The following CDH8 variants were observed in gnomAD, a reference collection of about 807,000 sequenced individuals.
CDH8 encodes cadherin 8, also known as cadherin-8.
CDH8 carries 17 observed loss-of-function variants against 68.1 expected under a neutral mutation model. The observed-to-expected ratio is 0.25, with a 90% CI of 0.17 to 0.37. The LOEUF (loss-of-function observed/expected upper bound fraction) is 0.37. CDH8 is among the 10% of genes least tolerant of loss of function. The probability of loss-of-function intolerance (pLI) is 1.00; values close to 1 mark genes in which losing one functional copy is unlikely to be tolerated. For missense variants in CDH8, 763 were observed against 999.3 expected (o/e 0.76, Z 3.19); for synonymous variants, 372 against 365.1 (o/e 1.02, Z -0.21).
At chr16:61,676,601 G>C (rs1003805124) in intron 10 of CDH8, among the ~76,000 whole-genome samples, 1 of 151,898 alleles carries the variant, frequency 6.6e-6, no homozygotes, top group Admixed American at 6.6e-5. Flanking sequence ...TGAATAGAAG[G>C]GGATTTCCTC....
At chr16:61,870,154 C>A (rs1963329665) in intron 3 of CDH8, among the ~76,000 whole-genome samples, 2 of 152,178 alleles carry the variant, frequency 1.3e-5, no homozygotes, top group Admixed American at 1.3e-4. Flanking sequence ...GGTGGGACTT[C>A]ATAATATCAC....
At chr16:61,968,310 G>C (rs559880789) in intron 2 of CDH8, among the ~76,000 whole-genome samples, 21 of 152,112 alleles carry the variant, frequency 1.4e-4, no homozygotes, top group Non-Finnish European at 2.4e-4. Context: ...ATTCACCCTC[G>C]TCTATTGAGT....
chr16:61,819,484 CTACTT>C (rs1466322500), intron 6 of CDH8, among the ~76,000 whole-genome samples: 1 of 152,030 alleles, frequency 6.6e-6, no homozygotes, highest in Non-Finnish European at 1.5e-5. Flanking sequence ...ATATTGTACT[CTACTT>C]TATTTCAAAC....
At chr16:61,655,316 C>T (rs1411939100) in intron 11 of CDH8, among the ~76,000 whole-genome samples, 154 bp downstream of exon 11, 3 of 152,176 alleles carry the variant, frequency 2.0e-5, no homozygotes, top group African/African-American at 7.2e-5. Flanking sequence ...TTTCTCTTCA[C>T]TTATTAGAGA....
chr16:61,921,628 C>T (rs1216906876), intron 2 of CDH8, among the ~76,000 whole-genome samples: 1 of 152,118 alleles, frequency 6.6e-6, no homozygotes, highest in African/African-American at 2.4e-5. Flanking sequence ...TTCTACATAG[C>T]TCAGTAAACC....
chr16:61,828,892 A>C (rs993791862), intron 4 of CDH8, among the ~76,000 whole-genome samples: 2 of 151,914 alleles, frequency 1.3e-5, no homozygotes, highest in African/African-American at 2.4e-5. Context: ...TAATTCAGGC[A>C]AAGTTCTTGG....
chr16:61,760,590 G>A (rs1960440016), intron 8 of CDH8, among the ~76,000 whole-genome samples: 1 of 152,046 alleles, frequency 6.6e-6, no homozygotes. Flanking sequence ...TGGGATTACA[G>A]GCATGAGCCA....
chr16:61,969,383 C>A (rs183398054), intron 2 of CDH8, among the ~76,000 whole-genome samples: 1 of 152,130 alleles, frequency 6.6e-6, no homozygotes, highest in Non-Finnish European at 1.5e-5. Flanking sequence ...TTTCTTGGCA[C>A]GTAGCTGGTT....
intron 8 of CDH8, among the ~76,000 whole-genome samples, chr16:61,779,282 T>C (rs1960981027): frequency 6.6e-6 from 1 of 152,088 alleles, no homozygotes; most frequent in Admixed American, 6.6e-5. Flanking sequence ...CTAAGCAAAT[T>C]GATTCCCACA....
At chr16:61,803,598 T>C (rs959965549) in intron 7 of CDH8, among the ~76,000 whole-genome samples, 2 of 151,710 alleles carry the variant, frequency 1.3e-5, no homozygotes, top group African/African-American at 2.4e-5. Flanking sequence ...CACACATAGG[T>C]TCAAAATAAA....
chr16:61,752,975 G>A (rs555667479), intron 8 of CDH8, among the ~76,000 whole-genome samples: 66 of 152,276 alleles, frequency 4.3e-4, no homozygotes, highest in African/African-American at 1.5e-3. Context: ...AGGAAAAGTA[G>A]TATGTGGAAG....
At chr16:61,779,172 G>A (rs867121091) in intron 8 of CDH8, among the ~76,000 whole-genome samples, 9 of 152,130 alleles carry the variant, frequency 5.9e-5, no homozygotes, top group Admixed American at 6.5e-5. Context: ...GAGTGTCAGA[G>A]AGTTTTGAAA....
At chr16:61,751,515 G>A (rs1001917790) in intron 8 of CDH8, among the ~76,000 whole-genome samples, 18 of 151,156 alleles carry the variant, frequency 1.2e-4, no homozygotes, top group South Asian at 4.2e-4. Flanking sequence ...AGACCGTCCC[G>A]TTACATTTTT....
intron 1 of CDH8, among the ~76,000 whole-genome samples, chr16:62,024,250 G>A (rs1304497666): frequency 1.3e-5 from 2 of 151,994 alleles, no homozygotes; most frequent in Non-Finnish European, 2.9e-5. Flanking sequence ...GTATAACGGC[G>A]GAGGGAGGGA....
intron 10 of CDH8, among the ~76,000 whole-genome samples, chr16:61,656,752 A>G (rs1262960536): frequency 6.6e-6 from 1 of 152,226 alleles, no homozygotes; most frequent in East Asian, 1.9e-4. Context: ...GCAATACTTA[A>G]GAATATACTT....
intron 10 of CDH8, chr16:61,693,230 G>A (rs1240004310): frequency 6.6e-6 from 1 of 152,106 alleles, no homozygotes; most frequent in Non-Finnish European, 1.5e-5. Flanking sequence ...TATGATAAGG[G>A]ATTCTCAAAG....
chr16:61,976,732 A>G (rs1425830410), intron 2 of CDH8, among the ~76,000 whole-genome samples: 1 of 152,210 alleles, frequency 6.6e-6, no homozygotes, highest in African/African-American at 2.4e-5. Flanking sequence ...CTAAGAACAC[A>G]TCAGTGTAAA....
At chr16:61,903,601 T>G (rs1054009854) in intron 2 of CDH8, among the ~76,000 whole-genome samples, 2 of 152,076 alleles carry the variant, frequency 1.3e-5, no homozygotes, top group Admixed American at 6.5e-5. Flanking sequence ...GTGAGCCACC[T>G]CGCCCGGCGA....
At chr16:62,025,385 A>C (rs57552892) in intron 1 of CDH8, among the ~76,000 whole-genome samples, 1 of 151,470 alleles carries the variant, frequency 6.6e-6, no homozygotes, top group South Asian at 2.1e-4. Context: ...TGAAGAGAAG[A>C]GCATGTTTGA....
Sources: gnomAD v4.1 joint callset for allele counts (sites outside exome capture counted in the v4.1 genomes callset) on GRCh38, gnomAD v4.1.1 for gene constraint, MANE v1.5 for transcripts, NCBI Gene and HGNC (gene_info 2026-07-23, HGNC 2026-07-21) for gene names.